HIVEP1: variants seen among roughly 807,000 people sequenced by gnomAD.
HIVEP1 encodes the protein zinc finger protein 40.
HIVEP1 carries 36 observed loss-of-function variants against 180.0 expected under a neutral mutation model. The ratio of observed to expected loss-of-function variants is 0.20; its 90% CI spans 0.15 to 0.26. The LOEUF (loss-of-function observed/expected upper bound fraction) is 0.26, where lower values mean the gene tolerates loss of function less well. Ranked by LOEUF, HIVEP1 falls within the 10% of genes least tolerant of loss-of-function variation. The pLI, the probability that HIVEP1 is intolerant of heterozygous loss-of-function variation, is 1.00. For synonymous variants in HIVEP1, 1,239 were observed against 1,239.0 expected (o/e 1.00, Z 0.00); for missense variants, 3,143 against 3,268.7 (o/e 0.96, Z 0.94).
chr6:12,174,222 T>C, the HIVEP1 span, among the ~76,000 whole-genome samples: 1 of 152,308 alleles, frequency 6.6e-6, no homozygotes, highest in South Asian at 2.1e-4. Context: ...ATGCATCATT[T>C]CTAATCTACA....
At chr6:12,181,419 T>C in the HIVEP1 span, among the ~76,000 whole-genome samples, 1 of 151,932 alleles carries the variant, frequency 6.6e-6, no homozygotes, top group African/African-American at 2.4e-5. Context: ...AAACAGGGTC[T>C]CACTCTATTG....
rs201297540 is a variant in HIVEP1, at chr6:12,123,389, A to C, written c.3594A>C (p.Leu1198=). ...RDGSHPHQLA[L]SDALRGELQE... The stretch of plus-strand genomic sequence containing the variant: ...GGTCTCATCCTCACCAGCTTGCACT[A>C]TCAGACGCTCTCAGAGGAGAACTTC... Residue 1198 remains leucine, a synonymous_variant, in exon 4 of 9, where the codon CTA becomes CTC. Transcript: ENST00000379388. 6 of 1,614,198 alleles carry C rather than the reference A, an allele frequency of 3.7e-6. No individual in the cohort carries two copies. The highest frequency in any genetic ancestry group is 2.2e-5 in the South Asian group (2 of 91,084).
chr6:12,078,299 G>C (rs961297695), intron 2 of HIVEP1, among the ~76,000 whole-genome samples: 1 of 151,956 alleles, frequency 6.6e-6, no homozygotes, highest in African/African-American at 2.4e-5. Flanking sequence ...GACTTGGTCC[G>C]CATTGTCAGG....
rs748721786 is a variant in HIVEP1 at position 12,121,477 on chromosome 6, C to A, written c.1682C>A (p.Pro561Gln). The A allele has an allele frequency of 1.9e-6, 3 of 1,614,070 alleles. No individual in the cohort carries two copies. In the East Asian group the frequency reaches 6.7e-5, roughly 36 times the overall value. ...GAATCACAAGCTGTGACAGAGTTAC[C>A]GAAAGTTGTGGTCCACCATGTCACT... The part of the protein sequence containing the change: ...SAESQAVTEL[P>Q]KVVVHHVTVS... The change falls in exon 4 of 9, where the codon CCG (proline) becomes CAG (glutamine). Residue 561 changes from proline (P) to glutamine (Q), a missense_variant. This residue lies in a region of HIVEP1 where 365 missense variants were observed against 344.4 expected (regional missense o/e 1.06). Transcript: ENST00000379388. This position sits in a 1 kb window ranked among gnomAD's most constrained non-coding sequence, Gnocchi z 5.3.
At chr6:12,173,955 G>T in the HIVEP1 span, among the ~76,000 whole-genome samples, 1 of 152,276 alleles carries the variant, frequency 6.6e-6, no homozygotes, top group South Asian at 2.1e-4. Flanking sequence ...GCCCAGTAGG[G>T]TCAAATGTTA....
chr6:12,024,554 A>G (rs1320731316), intron 2 of HIVEP1, among the ~76,000 whole-genome samples: 1 of 152,184 alleles, frequency 6.6e-6, no homozygotes, highest in Non-Finnish European at 1.5e-5. Flanking sequence ...TATGAATTTA[A>G]CCAAGCATAC....
rs376825897 is a variant in HIVEP1, at chr6:12,164,095, C to T, written c.7791C>T (p.Thr2597=). 3.3e-5 allele frequency: 53 copies of T among 1,614,016 alleles called. 1 individual carries two copies. The African/African-American group carries it at 3.7e-4, about 11-fold the overall frequency. ...SVASANQVSR[T]ESPQGLPTVQ... The stretch of plus-strand genomic sequence containing the variant: ...CCAGCGCAAACCAGGTCAGCAGGAC[C>T]GAGTCTCCTCAGGGGTTACCTACAG... The change falls in exon 9 of 9, where the codon ACC becomes ACT. Residue 2597 remains threonine (T), a synonymous_variant. Transcript: ENST00000379388.
At chr6:12,018,847 C>G (rs1333002590) in intron 2 of HIVEP1, among the ~76,000 whole-genome samples, 1 of 152,132 alleles carries the variant, frequency 6.6e-6, no homozygotes, top group Non-Finnish European at 1.5e-5. Flanking sequence ...GAGAAGGAGA[C>G]AGAGAGGCAG....
At chr6:12,069,578 G>T (rs990443067) in intron 2 of HIVEP1, among the ~76,000 whole-genome samples, 2 of 122,048 alleles carry the variant, frequency 1.6e-5, no homozygotes, top group Non-Finnish European at 3.3e-5. Context: ...GTTCTGGGGT[G>T]GGGGGAGGGG....
At chr6:12,061,649 A>G (rs1771244443) in intron 2 of HIVEP1, among the ~76,000 whole-genome samples, 1 of 152,226 alleles carries the variant, frequency 6.6e-6, no homozygotes, top group Non-Finnish European at 1.5e-5. Flanking sequence ...AAATACTTTT[A>G]TATCAAATAG....
the HIVEP1 span, among the ~76,000 whole-genome samples, chr6:12,186,049 C>T: frequency 1.8e-4 from 27 of 152,094 alleles, no homozygotes; most frequent in Non-Finnish European, 5.9e-5. Context: ...AAATGTTCAT[C>T]AACTAGTGAT....
In HIVEP1 at chr6:12,142,461, A is replaced by G. The variant is rs146610445; in HGVS notation, c.6487+6569A>G. 1.9e-3 allele frequency among the ~76,000 whole-genome samples: 297 copies of G among 152,338 alleles called. 1 individual carries two copies. Among genetic ancestry groups the G allele is most frequent in the Non-Finnish European group, 3.4e-3 (228 of 68,036 alleles). On this transcript the variant is annotated intron_variant, in intron 7 of 8. Transcript: ENST00000379388. ...AGATGTAAAATCAACACCTAGCATCAAAATTAAAGGAACTAGAGAAGCAAG... is the reference window on the plus strand; with the variant it reads ...AGATGTAAAATCAACACCTAGCATCGAAATTAAAGGAACTAGAGAAGCAAG...
At chr6:12,153,922 T>C (rs1581795035) in intron 7 of HIVEP1, among the ~76,000 whole-genome samples, 1 of 152,170 alleles carries the variant, frequency 6.6e-6, no homozygotes, top group East Asian at 1.9e-4. Flanking sequence ...CCAAGGCAGG[T>C]AGATCACTTG....
At chr6:12,074,705 T>A (rs1772236764) in intron 2 of HIVEP1, among the ~76,000 whole-genome samples, 1 of 151,462 alleles carries the variant, frequency 6.6e-6, no homozygotes, top group East Asian at 1.9e-4. Context: ...TCATGAGATT[T>A]TTTTTTTTAT....
At chr6:12,209,866 A>C in the HIVEP1 span, among the ~76,000 whole-genome samples, 1 of 152,290 alleles carries the variant, frequency 6.6e-6, no homozygotes, top group African/African-American at 2.4e-5. Context: ...ATATTGTGGG[A>C]GTGAAGGAAC....
intron 2 of HIVEP1, among the ~76,000 whole-genome samples, chr6:12,078,328 C>G (rs1413380457): frequency 6.6e-6 from 1 of 152,028 alleles, no homozygotes; most frequent in Non-Finnish European, 1.5e-5. Context: ...TGCCCCGTCT[C>G]TGTTGCTCAG....
At chr6:12,147,648 C>T (rs1759457083) in intron 7 of HIVEP1, among the ~76,000 whole-genome samples, 1 of 152,020 alleles carries the variant, frequency 6.6e-6, no homozygotes, top group African/African-American at 2.4e-5. Flanking sequence ...TACTAATACT[C>T]CCACAGAGCC....
At chr6:12,127,061 G>A (rs1288628671) in intron 4 of HIVEP1, among the ~76,000 whole-genome samples, 1 of 152,020 alleles carries the variant, frequency 6.6e-6, no homozygotes, top group Non-Finnish European at 1.5e-5. Context: ...CGCCATGTCT[G>A]GTTTGGCCAA....
At chr6:12,110,925 C>T (rs933425500) in intron 3 of HIVEP1, among the ~76,000 whole-genome samples, 2 of 152,320 alleles carry the variant, frequency 1.3e-5, no homozygotes, top group Non-Finnish European at 2.9e-5. Context: ...CACTTGAACA[C>T]TTAGAGGCCC....
Sources: allele counts gnomAD v4.1 joint callset (sites outside exome capture counted in the v4.1 genomes callset), GRCh38; gene constraint gnomAD v4.1.1; regional missense constraint gnomAD v4.1.1; non-coding constraint Gnocchi (gnomAD v3.1); transcripts MANE v1.5; gene names NCBI Gene and HGNC (gene_info 2026-07-23, HGNC 2026-07-21).